SWT1: variants seen among roughly 807,000 people sequenced by gnomAD.
SWT1 encodes SWT1 RNA endoribonuclease homolog.
In SWT1, 33 loss-of-function variants were observed where a neutral mutation model predicts 107.3. The ratio of observed to expected loss-of-function variants is 0.31; its 90% confidence interval spans 0.23 to 0.41. The LOEUF is 0.41. Among genes scored for constraint, SWT1 ranks in the 10% least tolerant of loss-of-function variants. The pLI is 1.00. For synonymous variants in SWT1, 345 were observed against 348.3 expected, an observed-to-expected ratio of 0.99 and a Z score of 0.11; for missense variants, 898 against 1,028.9, an observed-to-expected ratio of 0.87 and a Z score of 1.74.
chr1:185,209,103 A>C (rs975261486), intron 13 of SWT1, among the ~76,000 whole-genome samples: 1 of 152,234 alleles, frequency 6.6e-6, no homozygotes, highest in South Asian at 2.1e-4. Flanking sequence ...CATGAGATGC[A>C]TGAAGGACAT....
intron 16 of SWT1, chr1:185,264,190 C>T: frequency 1.4e-5 from 3 of 221,170 alleles, no homozygotes; most frequent in Non-Finnish European, 2.2e-5. Flanking sequence ...TTTGGCGCCT[C>T]TTTTTTTTTT....
At chr1:185,207,426 C>T (rs1171984558) in intron 13 of SWT1, among the ~76,000 whole-genome samples, 2 of 152,070 alleles carry the variant, frequency 1.3e-5, no homozygotes, top group Non-Finnish European at 2.9e-5. Flanking sequence ...GCCAGAGCAG[C>T]TTTTAAAAAT....
chr1:185,247,998 A>G (rs12068826), intron 16 of SWT1, among the ~76,000 whole-genome samples: 318 of 152,156 alleles, frequency 2.1e-3, no homozygotes, highest in African/African-American at 7.3e-3. Context: ...TTGCATTTTG[A>G]AACTCTGCAT....
At chr1:185,163,393 CTT>C (rs575075692) in intron 2 of SWT1, among the ~76,000 whole-genome samples, 50 of 134,796 alleles carry the variant, frequency 3.7e-4, no homozygotes, top group Admixed American at 7.5e-4. Flanking sequence ...TCCATGAAAG[CTT>C]TTTTTTTTTT....
intron 10 of SWT1, among the ~76,000 whole-genome samples, chr1:185,194,969 TC>T (rs2102422073): frequency 6.6e-6 from 1 of 152,282 alleles, no homozygotes; most frequent in South Asian, 2.1e-4. Context: ...CTCTGTGGTT[TC>T]TTTTCTTCAG....
chr1:185,288,096 ATC>A (rs1381652046), intron 18 of SWT1, among the ~76,000 whole-genome samples: 1 of 152,190 alleles, frequency 6.6e-6, no homozygotes, highest in Non-Finnish European at 1.5e-5. Context: ...AAACATTTAT[ATC>A]TCTGCTATTT....
intron 15 of SWT1, chr1:185,227,282 T>A: frequency 1.3e-6 from 1 of 752,276 alleles, no homozygotes; most frequent in South Asian, 1.3e-5. Flanking sequence ...TAAAGGCACC[T>A]GGCTGACCAT....
At chr1:185,163,168 C>T (rs1558002816) in intron 2 of SWT1, among the ~76,000 whole-genome samples, 2 of 152,034 alleles carry the variant, frequency 1.3e-5, no homozygotes, top group African/African-American at 4.8e-5. Context: ...CATTGACTCT[C>T]CTTTCACAAA....
chr1:185,288,942 C>T (rs1312505470), intron 18 of SWT1, among the ~76,000 whole-genome samples: 1 of 152,130 alleles, frequency 6.6e-6, no homozygotes, highest in Non-Finnish European at 1.5e-5. Context: ...GCACTCCCTG[C>T]TTCCCCACCC....
At chr1:185,219,388 T>C (rs1426977937) in intron 14 of SWT1, among the ~76,000 whole-genome samples, 1 of 152,162 alleles carries the variant, frequency 6.6e-6, no homozygotes, top group Non-Finnish European at 1.5e-5. Context: ...AATGAGCTAA[T>C]AAATAGAAAA....
chr1:185,210,093 T>G (rs1334311765), intron 13 of SWT1, among the ~76,000 whole-genome samples: 1 of 152,196 alleles, frequency 6.6e-6, no homozygotes, highest in Non-Finnish European at 1.5e-5. Flanking sequence ...GTAAATCTAT[T>G]TAAGTTCTTT....
chr1:185,260,504 A>G (rs929875391), intron 16 of SWT1, among the ~76,000 whole-genome samples: 1 of 152,274 alleles, frequency 6.6e-6, no homozygotes, highest in Non-Finnish European at 1.5e-5. Flanking sequence ...TCATGCTACT[A>G]CTGAGAGGCC....
At chr1:185,187,987 C>T (rs1291668462) in intron 9 of SWT1, among the ~76,000 whole-genome samples, 1 of 152,226 alleles carries the variant, frequency 6.6e-6, no homozygotes, top group Non-Finnish European at 1.5e-5. Flanking sequence ...GCCACCGCGC[C>T]TTGCCAAGCT....
intron 16 of SWT1, among the ~76,000 whole-genome samples, chr1:185,238,747 C>T (rs1661065166): frequency 1.3e-5 from 2 of 151,672 alleles, no homozygotes; most frequent in Admixed American, 1.3e-4. Flanking sequence ...AGATAATAGG[C>T]ATTTAAATTA....
chr1:185,279,272 A>G (rs1664460749), intron 18 of SWT1, among the ~76,000 whole-genome samples: 1 of 152,220 alleles, frequency 6.6e-6, no homozygotes, highest in African/African-American at 2.4e-5. Context: ...CATGGAGGCC[A>G]CAATTTCTTG....
intron 3 of SWT1, 103 bp downstream of exon 3, chr1:185,166,755 A>G (rs1305762876): frequency 2.8e-6 from 2 of 712,846 alleles, no homozygotes; most frequent in East Asian, 5.2e-5. Context: ...AGCCAATAGA[A>G]AGTCAGTGTT....
intron 5 of SWT1, among the ~76,000 whole-genome samples, chr1:185,178,571 A>C (rs921520811): frequency 6.6e-6 from 1 of 152,178 alleles, no homozygotes; most frequent in Non-Finnish European, 1.5e-5. Flanking sequence ...CAAACAGTTA[A>C]ATGCATTAAC....
At chr1:185,248,203 C>T (rs1329495626) in intron 16 of SWT1, among the ~76,000 whole-genome samples, 1 of 152,156 alleles carries the variant, frequency 6.6e-6, no homozygotes, top group Non-Finnish European at 1.5e-5. Flanking sequence ...AGTGTGTTTC[C>T]ACCAATTAAA....
chr1:185,256,648 T>C (rs538212077), intron 16 of SWT1, among the ~76,000 whole-genome samples: 86 of 147,762 alleles, frequency 5.8e-4, no homozygotes, highest in African/African-American at 2.0e-3. Flanking sequence ...CTTTAAGCAC[T>C]TCTCTGTATT....
Sources: gnomAD v4.1 joint callset for allele counts (sites outside exome capture counted in the v4.1 genomes callset) on GRCh38, gnomAD v4.1.1 for gene constraint, MANE v1.5 for transcripts, NCBI Gene and HGNC (gene_info 2026-07-23, HGNC 2026-07-21) for gene names.